EYA1: variants seen among roughly 807,000 people sequenced by gnomAD.
EYA1 encodes the protein EYA transcriptional coactivator and phosphatase 1.
A neutral mutation model predicts 82.0 loss-of-function variants in EYA1; 16 were observed. The ratio of observed to expected loss-of-function variants is 0.20; its 90% CI spans 0.13 to 0.30. The LOEUF (loss-of-function observed/expected upper bound fraction) is 0.30, where lower values mean the gene tolerates loss of function less well. Ranked by LOEUF, EYA1 falls within the 10% of genes least tolerant of loss-of-function variation. The pLI is 1.00. For synonymous variants in EYA1, 261 were observed against 264.4 expected (o/e 0.99, Z 0.12); for missense variants, 633 against 730.7 (o/e 0.87, Z 1.54).
chr8:71,438,989 A>ACC (rs1410941395), intron 2 of EYA1, among the ~76,000 whole-genome samples: 1 of 152,030 alleles, frequency 6.6e-6, no homozygotes, highest in Non-Finnish European at 1.5e-5. Context: ...GTCAGGTTAC[A>ACC]CCAGAACTTG....
intron 12 of EYA1, among the ~76,000 whole-genome samples, chr8:71,239,535 T>A (rs928170271): frequency 6.6e-6 from 1 of 152,232 alleles, no homozygotes; most frequent in Non-Finnish European, 1.5e-5. Context: ...GCTGAATTTG[T>A]CAGGAGAAAA....
chr8:71,344,419 T>C (rs926063629), intron 3 of EYA1, among the ~76,000 whole-genome samples: 1 of 152,220 alleles, frequency 6.6e-6, no homozygotes, highest in African/African-American at 2.4e-5. Context: ...GAGGACCTAC[T>C]ATATGCCATA....
chr8:71,220,901 C>A (rs1003580429), intron 12 of EYA1, among the ~76,000 whole-genome samples: 2 of 152,292 alleles, frequency 1.3e-5, no homozygotes, highest in South Asian at 4.1e-4. Context: ...CAGATCCCAG[C>A]AAGGAGCAGG....
intron 2 of EYA1, among the ~76,000 whole-genome samples, chr8:71,457,329 C>A (rs1318471321): frequency 1.3e-5 from 2 of 152,142 alleles, no homozygotes; most frequent in Non-Finnish European, 2.9e-5. Context: ...TAAACTAGTT[C>A]AACCATTGTG....
chr8:71,449,594 G>C lies in EYA1; in HGVS notation c.33+86150C>G, dbSNP rs192316300. Reference sequence around the variant, plus strand: ...TCCATTTATAGACAGCACAGGCAGTGCAGATTTAGCATCATCCTTGAGAGC... The same window carrying C: ...TCCATTTATAGACAGCACAGGCAGTCCAGATTTAGCATCATCCTTGAGAGC... On this transcript the variant is annotated intron_variant, in intron 2 of 18. Coordinates refer to the EYA1 transcript ENST00000643681. Among the ~76,000 whole-genome samples the C allele has an allele frequency of 1.5e-4, 23 of 152,312 alleles. No homozygotes were observed. In the East Asian group the frequency reaches 4.2e-3, roughly 28 times the overall value.
chr8:71,238,383 T>C (rs1205422568), intron 12 of EYA1, among the ~76,000 whole-genome samples: 1 of 152,144 alleles, frequency 6.6e-6, no homozygotes, highest in Non-Finnish European at 1.5e-5. Flanking sequence ...TTGTCAAAAA[T>C]TGCTAGGTAT....
intron 1 of EYA1, among the ~76,000 whole-genome samples, chr8:71,538,544 A>C (rs1421810837): frequency 6.6e-6 from 1 of 152,204 alleles, no homozygotes; most frequent in Non-Finnish European, 1.5e-5. Flanking sequence ...AAACAGGCTT[A>C]AGCAAAACTG....
chr8:71,216,642 T>C (rs1246057570), intron 14 of EYA1, 50 bp downstream of exon 14: 1 of 1,588,720 alleles, frequency 6.3e-7, no homozygotes, highest in East Asian at 2.2e-5. Context: ...ACTTTTGGAA[T>C]TGTATCTGGA....
At position 71,394,572 on chromosome 8, in the gene EYA1, T is replaced by TGTCAGG. The variant is rs1829473102; in HGVS notation, c.34-38067_34-38062dup. On this transcript the variant is annotated intron_variant, in intron 2 of 18. Coordinates refer to the EYA1 transcript ENST00000643681. ...GAATCATTTCCCTATTTCTTGTTTT[T>TGTCAGG]GTCAGGGTTGTGAAAGATAAGATGG... Among the ~76,000 whole-genome samples the TGTCAGG allele has an allele frequency of 1.1e-4, 16 of 152,332 alleles. No individual in the cohort carries two copies. The South Asian group carries it at 3.3e-3, about 32-fold the overall frequency.
chr8:71,320,512 G>A (rs1402395363), intron 6 of EYA1, among the ~76,000 whole-genome samples: 1 of 152,076 alleles, frequency 6.6e-6, no homozygotes, highest in Non-Finnish European at 1.5e-5. Flanking sequence ...ATATTATTAT[G>A]AGAAACTGTG....
intron 2 of EYA1, chr8:71,529,826 T>C (rs987610813): frequency 6.6e-6 from 1 of 152,194 alleles, no homozygotes; most frequent in African/African-American, 2.4e-5. Flanking sequence ...AAAAAAAAAT[T>C]ACCTGAATTC....
At chr8:71,478,520 A>G (rs1170465146) in intron 2 of EYA1, among the ~76,000 whole-genome samples, 3 of 152,190 alleles carry the variant, frequency 2.0e-5, no homozygotes, top group Non-Finnish European at 1.5e-5. Flanking sequence ...CCCAAAAATC[A>G]TGGGAGTAAA....
chr8:71,278,213 C>T (rs1346205428), intron 9 of EYA1, among the ~76,000 whole-genome samples: 1 of 152,196 alleles, frequency 6.6e-6, no homozygotes, highest in Non-Finnish European at 1.5e-5. Flanking sequence ...CTTTGTCTCT[C>T]TCTCTCTTAA....
rs190701470 is a variant in EYA1, at chr8:71,488,161, T to G, written c.33+47583A>C. Among the ~76,000 whole-genome samples the G allele has an allele frequency of 6.6e-5, 10 of 152,136 alleles. No homozygotes were observed. The East Asian group carries it at 9.6e-4, about 15-fold the overall frequency. The stretch of plus-strand genomic sequence containing the variant: ...AGCAATGTAAAATATACATCAATGA[T>G]ACATCAATGATATACATCAAATATA... On this transcript the variant is annotated intron_variant, in intron 2 of 18. Transcript: ENST00000643681.
intron 7 of EYA1, among the ~76,000 whole-genome samples, chr8:71,309,928 T>C (rs1398921587): frequency 2.0e-5 from 3 of 152,228 alleles, no homozygotes; most frequent in Non-Finnish European, 4.4e-5. Flanking sequence ...AGAATTTGTG[T>C]TATTTTCTTC....
rs1806532244 is a variant in EYA1, at chr8:71,198,558, C to T, written c.*782G>A. On this transcript the variant is annotated 3_prime_UTR_variant, in exon 18 of 18. Coordinates refer to ENST00000340726, the MANE Select transcript of EYA1 (RefSeq NM_000503.6). ...TCCAGGCATTGCTACCTTTCAATAT[C>T]ATTTCCCTAAACAATATGTAAAAGA... The T allele has an allele frequency of 6.6e-6, 1 of 152,614 alleles. No homozygotes were observed. The highest frequency in any genetic ancestry group is 1.5e-5 in the Non-Finnish European group (1 of 68,042). 9.5% of individuals were successfully genotyped at this position (152,614 alleles called of 1,614,324 possible).
At chr8:71,207,485 G>T (rs1807948872) in intron 17 of EYA1, among the ~76,000 whole-genome samples, 1 of 152,168 alleles carries the variant, frequency 6.6e-6, no homozygotes, top group Non-Finnish European at 1.5e-5. Context: ...ATCCACACAG[G>T]CAGTTCTCAA....
At position 71,317,626 on chromosome 8, in the gene EYA1, G is replaced by A; in HGVS notation, c.482C>T (p.Thr161Ile). Residue 161 changes from threonine (T) to isoleucine (I), a missense_variant, in exon 7 of 18, where the codon ACA (threonine) becomes ATA (isoleucine). Coordinates refer to ENST00000340726, the MANE Select transcript of EYA1 (RefSeq NM_000503.6). Reference protein sequence around the residue: ...GLSQSQSPGQTGFLSYGTSFS... With the variant: ...GLSQSQSPGQIGFLSYGTSFS... The stretch of plus-strand genomic sequence containing the variant: ...GCTTGTGCCATAGCTGAGAAATCCT[G>A]TCTGTCCAGGTGACTGAGACTGTGA... 1 of 1,614,104 alleles carries A rather than the reference G, an allele frequency of 6.2e-7. No individual in the cohort carries two copies. The highest frequency in any genetic ancestry group is 1.3e-5 in the African/African-American group (1 of 75,046).
intron 12 of EYA1, among the ~76,000 whole-genome samples, chr8:71,243,625 C>T (rs896928563): frequency 1.3e-5 from 2 of 152,194 alleles, no homozygotes; most frequent in African/African-American, 4.8e-5. Flanking sequence ...AAATACAGGA[C>T]AGATGTTGAA....
Sources: allele counts gnomAD v4.1 joint callset (sites outside exome capture counted in the v4.1 genomes callset), GRCh38; gene constraint gnomAD v4.1.1; transcripts MANE v1.5; gene names NCBI Gene and HGNC (gene_info 2026-07-23, HGNC 2026-07-21).